NUCB2: variants seen among roughly 807,000 people sequenced by gnomAD.
The protein encoded by NUCB2 is nucleobindin 2.
A neutral mutation model predicts 57.9 loss-of-function variants in NUCB2; 48 were observed. The ratio of observed to expected loss-of-function variants is 0.83; its 90% CI spans 0.66 to 1.05. The LOEUF is 1.05. NUCB2 is among the 50% of genes least tolerant of loss of function. The pLI is 0.00. For missense variants in NUCB2, 442 were observed against 476.2 expected (o/e 0.93, Z 0.67); for synonymous variants, 139 against 152.1 (o/e 0.91, Z 0.64).
At chr11:17,336,740 C>T (rs1951835416), downstream of NUCB2, among the ~76,000 whole-genome samples, 1 of 102,584 alleles carries the variant, frequency 9.7e-6, no homozygotes, top group Non-Finnish European at 1.7e-5. Context: ...GGCGACAGAG[C>T]GAGACTCCGT....
intron 2 of NUCB2, among the ~76,000 whole-genome samples, chr11:17,291,558 A>AAAAAAAAAAAAAAAAAAAAAAC: frequency 6.6e-6 from 1 of 151,062 alleles, no homozygotes; most frequent in Non-Finnish European, 1.5e-5. Flanking sequence ...AAAAAAAAAA[A>AAAAAAAAAAAAAAAAAAAAAAC]AATCAGTCTT....
intron 2 of NUCB2, chr11:17,349,344 G>T (rs1462804305): frequency 6.6e-6 from 1 of 152,162 alleles, no homozygotes; most frequent in Non-Finnish European, 1.5e-5. Flanking sequence ...ATGTTCCACA[G>T]GTCCAGAGGT....
At chr11:17,304,122 A>G (rs1947233278) in intron 5 of NUCB2, among the ~76,000 whole-genome samples, 1 of 152,048 alleles carries the variant, frequency 6.6e-6, no homozygotes, top group Admixed American at 6.6e-5. Flanking sequence ...CACTGTAACC[A>G]CCACTAAATA....
Position 17,310,882 on chromosome 11 carries a change from G to A in NUCB2, c.541G>A (p.Glu181Lys). ...KTRHEEFKKY[E>K]MMKEHERREY... is the part of the protein sequence containing the mutation. ...TCGTCATGAAGAATTTAAAAAATAT[G>A]AAATGATGAAGGAACATGAAAGGAG... The change falls in exon 7 of 14, where the codon GAA becomes AAA. Residue 181 changes from glutamate to lysine, a missense_variant. Glu to Lys is a moderately conservative substitution (Grantham distance 56). Transcript: ENST00000529010. 1.3e-6 allele frequency: 2 copies of A among 1,593,928 alleles called. No homozygotes were observed. Among genetic ancestry groups the A allele is most frequent in the South Asian group, 2.3e-5 (2 of 85,738 alleles).
chr11:17,324,531 C>T (rs10832760), intron 11 of NUCB2, among the ~76,000 whole-genome samples: 36,782 of 151,520 alleles, frequency 0.24, 5,083 homozygotes, highest in East Asian at 0.51. Context: ...CCTCTCAGGT[C>T]CAAGCAGTTC....
At chr11:17,329,598 C>A (rs1360715915) in intron 11 of NUCB2, among the ~76,000 whole-genome samples, 1 of 152,192 alleles carries the variant, frequency 6.6e-6, no homozygotes, top group African/African-American at 2.4e-5. Context: ...GTCCCCCAGT[C>A]GCTATGCTCC....
intron 11 of NUCB2, among the ~76,000 whole-genome samples, chr11:17,325,023 G>T (rs1950502331): frequency 6.6e-6 from 1 of 152,144 alleles, no homozygotes; most frequent in Non-Finnish European, 1.5e-5. Flanking sequence ...GGCTGGTCTT[G>T]AACTCCTGAC....
downstream of NUCB2, chr11:17,334,389 C>G (rs1376201291): frequency 6.6e-6 from 1 of 152,298 alleles, no homozygotes; most frequent in East Asian, 1.9e-4. Flanking sequence ...TCCAGAGCCA[C>G]ACCACCTCTG....
chr11:17,318,652 T>C (rs1403711451), intron 11 of NUCB2, among the ~76,000 whole-genome samples: 1 of 152,124 alleles, frequency 6.6e-6, no homozygotes, highest in African/African-American at 2.4e-5. Flanking sequence ...GATCCAGATA[T>C]GTCACAAAGA....
chr11:17,287,447 A>C (rs1943952981), intron 2 of NUCB2, among the ~76,000 whole-genome samples: 1 of 151,062 alleles, frequency 6.6e-6, no homozygotes, highest in African/African-American at 2.5e-5. Flanking sequence ...TGAGGTGGGC[A>C]GATTGGTTGA....
At chr11:17,342,690 A>G (rs1952373985) in intron 2 of NUCB2, among the ~76,000 whole-genome samples, 1 of 149,088 alleles carries the variant, frequency 6.7e-6, no homozygotes, top group South Asian at 2.2e-4. Flanking sequence ...GTTTGTTATA[A>G]TTTCTGTTCT....
At chr11:17,302,171 G>T (rs1480465977) in intron 5 of NUCB2, among the ~76,000 whole-genome samples, 1 of 152,142 alleles carries the variant, frequency 6.6e-6, no homozygotes, top group Non-Finnish European at 1.5e-5. Context: ...GGGATTACAG[G>T]CATGAGCTGG....
At chr11:17,321,285 A>G (rs1389757449) in intron 11 of NUCB2, among the ~76,000 whole-genome samples, 3 of 150,518 alleles carry the variant, frequency 2.0e-5, no homozygotes, top group Non-Finnish European at 4.4e-5. Context: ...CCATCCTTCT[A>G]TTCTTTATCT....
chr11:17,278,187 T>A (rs1353220908), intron 1 of NUCB2, among the ~76,000 whole-genome samples: 1 of 144,614 alleles, frequency 6.9e-6, no homozygotes, highest in African/African-American at 2.6e-5. Context: ...TTTTTTTTTT[T>A]TTTTTTGAGA....
At chr11:17,306,053 A>C (rs1051079028) in intron 5 of NUCB2, among the ~76,000 whole-genome samples, 3 of 152,238 alleles carry the variant, frequency 2.0e-5, no homozygotes, top group Non-Finnish European at 4.4e-5. Context: ...GTAGAAAATA[A>C]AATCATAAAA....
At chr11:17,297,819 C>G (rs1946067551) in intron 4 of NUCB2, among the ~76,000 whole-genome samples, 1 of 152,110 alleles carries the variant, frequency 6.6e-6, no homozygotes, top group African/African-American at 2.4e-5. Flanking sequence ...TGTGGTGGCT[C>G]ACGCCTGTAA....
At chr11:17,327,769 A>G (rs1241901622) in intron 11 of NUCB2, among the ~76,000 whole-genome samples, 1 of 151,980 alleles carries the variant, frequency 6.6e-6, no homozygotes, top group African/African-American at 2.4e-5. Flanking sequence ...TTTCTGCTTG[A>G]TTCTTTCTAA....
chr11:17,279,679 C>G (rs1398696851), intron 1 of NUCB2, among the ~76,000 whole-genome samples: 4 of 152,136 alleles, frequency 2.6e-5, no homozygotes, highest in African/African-American at 9.7e-5. Flanking sequence ...TACTGTACCT[C>G]CAAGATTATT....
At chr11:17,315,320 T>C (rs1418667611) in intron 10 of NUCB2, 66 bp from the exon 11 acceptor site, 5 of 823,470 alleles carry the variant, frequency 6.1e-6, no homozygotes, top group Admixed American at 2.4e-5. Context: ...TACAAGACAG[T>C]TGATAGTGTC....
Sources: gnomAD v4.1 joint callset for allele counts (sites outside exome capture counted in the v4.1 genomes callset) on GRCh38, gnomAD v4.1.1 for gene constraint, MANE v1.5 for transcripts, NCBI Gene and HGNC (gene_info 2026-07-23, HGNC 2026-07-21) for gene names.